GRM7: variants seen among roughly 807,000 people sequenced by gnomAD.
GRM7 encodes the protein glutamate metabotropic receptor 7.
Under a neutral mutation model 84.5 loss-of-function variants are expected in GRM7, and 35 were observed. The ratio of observed to expected loss-of-function variants is 0.41; its 90% CI spans 0.32 to 0.55. The LOEUF (loss-of-function observed/expected upper bound fraction) is 0.55, where lower values mean the gene tolerates loss of function less well. Among genes scored for constraint, GRM7 ranks in the 20% least tolerant of loss-of-function variants. The pLI, the probability that GRM7 is intolerant of heterozygous loss-of-function variation, is 0.19. For synonymous variants in GRM7, 487 were observed against 455.1 expected (o/e 1.07, Z -0.89); for missense variants, 1,003 against 1,194.6 (o/e 0.84, Z 2.36).
chr3:7,177,356 C>T (rs1214764812), intron 2 of GRM7, among the ~76,000 whole-genome samples: 1 of 152,198 alleles, frequency 6.6e-6, no homozygotes, highest in Non-Finnish European at 1.5e-5. Context: ...TACTACCTAA[C>T]ATGAGCTCTT....
chr3:7,354,971 C>A (rs1393461258), intron 4 of GRM7, among the ~76,000 whole-genome samples: 1 of 152,134 alleles, frequency 6.6e-6, no homozygotes, highest in Non-Finnish European at 1.5e-5. Context: ...GATTGCTTTT[C>A]CCTTCCGCAA....
chr3:7,353,896 C>A (rs962921207), intron 4 of GRM7, among the ~76,000 whole-genome samples: 13 of 152,194 alleles, frequency 8.5e-5, no homozygotes, highest in African/African-American at 3.1e-4. Context: ...TTGTGTAGAC[C>A]TGTGGCATTG....
chr3:7,015,957 C>A (rs1314194821), intron 1 of GRM7, among the ~76,000 whole-genome samples: 2 of 152,278 alleles, frequency 1.3e-5, no homozygotes, highest in East Asian at 3.9e-4. Context: ...TCAGGCTACA[C>A]CCTTTGAAAG....
intron 8 of GRM7, among the ~76,000 whole-genome samples, chr3:7,598,490 C>T (rs138503287): frequency 2.0e-5 from 3 of 152,194 alleles, no homozygotes; most frequent in South Asian, 4.2e-4. Context: ...ATGACTGACT[C>T]GGAACCATAT....
At chr3:7,636,465 T>C in intron 8 of GRM7, 1 of 328,998 alleles carries the variant, frequency 3.0e-6, no homozygotes, top group African/African-American at 2.1e-5. Flanking sequence ...AATAATTCCA[T>C]GAGAACATGG....
chr3:6,955,673 T>G (rs1693009389), intron 1 of GRM7, among the ~76,000 whole-genome samples: 1 of 151,834 alleles, frequency 6.6e-6, no homozygotes, highest in Admixed American at 6.6e-5. Flanking sequence ...TGACACCCCT[T>G]CTCTACTAAA....
chr3:7,095,522 G>T (rs1380383841), intron 1 of GRM7, among the ~76,000 whole-genome samples: 2 of 152,052 alleles, frequency 1.3e-5, no homozygotes, highest in Non-Finnish European at 2.9e-5. Context: ...TATTCCGGAG[G>T]ACCTGGAGCT....
chr3:7,222,568 C>T lies in GRM7; in HGVS notation c.736+75900C>T, dbSNP rs1406171150. Among the ~76,000 whole-genome samples, 3 of 152,162 alleles carry T rather than the reference C, an allele frequency of 2.0e-5. No homozygotes were observed. The East Asian group carries it at 5.8e-4, about 29-fold the overall frequency. ...AGAGCCTTCAGAAAGGAACTCCGCC[C>T]TGCTGACACCTTGATTTCAGCCTTG... is the stretch of plus-strand genomic sequence containing the variant. On this transcript the variant is annotated intron_variant, in intron 2 of 9. Coordinates refer to ENST00000357716, the MANE Select transcript of GRM7 (RefSeq NM_000844.4).
intron 9 of GRM7, among the ~76,000 whole-genome samples, chr3:7,725,377 T>A (rs976557659): frequency 1.3e-5 from 2 of 152,098 alleles, no homozygotes; most frequent in African/African-American, 4.8e-5. Flanking sequence ...TTGGCCTGGG[T>A]TTTATGTAGA....
chr3:6,881,231 C>T (rs1695496311), intron 1 of GRM7, among the ~76,000 whole-genome samples: 1 of 152,048 alleles, frequency 6.6e-6, no homozygotes, highest in Admixed American at 6.6e-5. Flanking sequence ...CACTATCAAC[C>T]CATTACATAG....
chr3:7,658,479 A>G (rs1265221734), intron 8 of GRM7, among the ~76,000 whole-genome samples: 1 of 152,184 alleles, frequency 6.6e-6, no homozygotes, highest in African/African-American at 2.4e-5. Context: ...CACTCATGCA[A>G]TCTCTGACAT....
intron 7 of GRM7, among the ~76,000 whole-genome samples, chr3:7,515,789 C>T (rs1700355102): frequency 6.6e-6 from 1 of 152,006 alleles, no homozygotes. Flanking sequence ...AAACTAGGGC[C>T]AAGTGCCTCT....
intron 9 of GRM7, among the ~76,000 whole-genome samples, chr3:7,698,746 C>A (rs73123718): frequency 6.6e-6 from 1 of 152,262 alleles, no homozygotes; most frequent in African/African-American, 2.4e-5. Context: ...TCAAAGACAT[C>A]GCCAGAAATT....
chr3:7,623,987 T>G (rs1022857517), intron 8 of GRM7, among the ~76,000 whole-genome samples: 1 of 152,136 alleles, frequency 6.6e-6, no homozygotes, highest in African/African-American at 2.4e-5. Context: ...CTTTTCAAAG[T>G]GTCATATGGT....
At chr3:7,344,600 AT>A (rs1478728859) in intron 4 of GRM7, among the ~76,000 whole-genome samples, 1 of 152,218 alleles carries the variant, frequency 6.6e-6, no homozygotes, top group East Asian at 1.9e-4. Context: ...GTAAAAAATT[AT>A]ATAAAAGCCT....
chr3:7,437,812 G>A (rs1697122145), intron 5 of GRM7, among the ~76,000 whole-genome samples: 1 of 152,032 alleles, frequency 6.6e-6, no homozygotes, highest in Non-Finnish European at 1.5e-5. Context: ...TAGGCTAGGG[G>A]CAAGTAGGGA....
At chr3:7,666,749 AT>A (rs1037830914) in intron 8 of GRM7, among the ~76,000 whole-genome samples, 2 of 152,136 alleles carry the variant, frequency 1.3e-5, no homozygotes, top group African/African-American at 2.4e-5. Flanking sequence ...TATTAATTTT[AT>A]TATTATTACT....
At chr3:7,102,370 G>A (rs1012509979) in intron 1 of GRM7, among the ~76,000 whole-genome samples, 29 of 151,762 alleles carry the variant, frequency 1.9e-4, no homozygotes, top group African/African-American at 6.3e-4. Flanking sequence ...GGCTGCCATC[G>A]CTTCTGAAGA....
At chr3:7,518,063 G>C (rs1023922619) in intron 7 of GRM7, among the ~76,000 whole-genome samples, 5 of 152,120 alleles carry the variant, frequency 3.3e-5, no homozygotes, top group African/African-American at 1.2e-4. Flanking sequence ...TATCCACTAC[G>C]GTGAGGATAA....
Sources: gnomAD v4.1 joint callset for allele counts (sites outside exome capture counted in the v4.1 genomes callset) on GRCh38, gnomAD v4.1.1 for gene constraint, MANE v1.5 for transcripts, NCBI Gene and HGNC (gene_info 2026-07-23, HGNC 2026-07-21) for gene names.